SOCS6: variants seen among roughly 807,000 people sequenced by gnomAD.
SOCS6 encodes the protein suppressor of cytokine signaling 6, also known as STAT induced STAT inhibitor-4.
SOCS6 carries 5 observed loss-of-function variants against 27.7 expected under a neutral mutation model. That is an observed-to-expected ratio of 0.18 (90% CI 0.09 to 0.38). SOCS6 has a LOEUF of 0.38. Ranked by LOEUF, SOCS6 falls within the 10% of genes least tolerant of loss-of-function variation. SOCS6 has a pLI of 1.00. For synonymous variants in SOCS6, 271 were observed against 260.0 expected, an observed-to-expected ratio of 1.04 and a Z score of -0.41; for missense variants, 595 against 688.1, an observed-to-expected ratio of 0.86 and a Z score of 1.51.
chr18:70,313,336 T>C (rs1389906027), intron 1 of SOCS6, among the ~76,000 whole-genome samples: 1 of 152,182 alleles, frequency 6.6e-6, no homozygotes, highest in Non-Finnish European at 1.5e-5. Context: ...TTGCAGTTTT[T>C]CTCTATTTTT....
At chr18:70,320,626 TTTA>T (rs1393159161) in intron 1 of SOCS6, among the ~76,000 whole-genome samples, 1 of 152,172 alleles carries the variant, frequency 6.6e-6, no homozygotes, top group African/African-American at 2.4e-5. Flanking sequence ...ATTGTTTAAT[TTTA>T]TTATTAGTTA....
At position 70,325,677 on chromosome 18, in the gene SOCS6, G is replaced by A; in HGVS notation, c.1009G>A (p.Ala337Thr). Residue 337 changes from alanine (A) to threonine (T), a missense_variant, in exon 2 of 2, where the codon GCT becomes ACT. Ala to Thr is a moderately conservative substitution (Grantham distance 58). Transcript: ENST00000397942. The surrounding 1 kb of genome is among the most constrained non-coding windows in gnomAD (Gnocchi z 6.3). ...SGLTGTEAHV[A>T]ESMRCHLNFD... The stretch of plus-strand genomic sequence containing the variant: ...ACTCACTGGCACAGAAGCCCACGTG[G>A]CTGAAAGTATGCGCTGTCATTTGAA... 1 of 1,614,226 alleles carries A rather than the reference G, an allele frequency of 6.2e-7. No homozygotes were observed. Among genetic ancestry groups the A allele is most frequent in the South Asian group, 1.1e-5 (1 of 91,080 alleles).
In SOCS6 at chr18:70,322,590, T is replaced by C. The variant is rs535612497; in HGVS notation, c.-126-1953T>C. 4.6e-5 allele frequency among the ~76,000 whole-genome samples: 7 copies of C among 152,350 alleles called. No individual in the cohort carries two copies. The South Asian group carries it at 6.2e-4, about 14-fold the overall frequency. ...AATCAGTTACTGATTCTGGCAGTTA[T>C]AATAGTTCATTATGCTTGGGTAGAA... On this transcript the variant is annotated intron_variant, in intron 1 of 1. Coordinates refer to ENST00000397942, the MANE Select transcript of SOCS6 (RefSeq NM_004232.4).
chr18:70,294,486 CTATT>C lies in SOCS6; in HGVS notation c.-127+5399_-127+5402del, dbSNP rs537100119. ...TAATATATAATAATGGTAATAATTC[CTATT>C]TAAAGTAATTATTACTATTAATTTA... On this transcript the variant is annotated intron_variant, in intron 1 of 1. Transcript: ENST00000397942. 1.2e-3 allele frequency among the ~76,000 whole-genome samples: 184 copies of C among 151,986 alleles called. 1 individual carries two copies. The highest frequency in any genetic ancestry group is 4.3e-3 in the African/African-American group (177 of 41,460).
In SOCS6 at chr18:70,325,022, T is replaced by C; in HGVS notation, c.354T>C (p.Ala118=). The change falls in exon 2 of 2, where the codon GCT becomes GCC. Residue 118 remains alanine, a synonymous_variant. Transcript: ENST00000397942. The surrounding 1 kb of genome is among the most constrained non-coding windows in gnomAD (Gnocchi z 6.3). ...CCATAGTCTTTAAAGACGTGAGAGC[T>C]CAGAGGCCGATAAGGTCCACGTCGC... The part of the protein sequence containing the change: ...SAPIVFKDVR[A]QRPIRSTSLR... 5 of 1,614,068 alleles carry C rather than the reference T, an allele frequency of 3.1e-6. No individual in the cohort carries two copies. Among genetic ancestry groups the C allele is most frequent in the Non-Finnish European group, 4.2e-6 (5 of 1,180,004 alleles).
Position 70,326,579 on chromosome 18 carries a change from G to T in SOCS6, c.*303G>T. The T allele has an allele frequency of 3.2e-6, 1 of 310,734 alleles. No individual in the cohort carries two copies. Among genetic ancestry groups the T allele is most frequent in the Non-Finnish European group, 6.3e-6 (1 of 159,768 alleles). The allele number at this position is 310,734 out of a possible 1,614,324, so 19.2% of individuals were successfully genotyped here. ...CAATGCCCCCCCCGCCCAGTCCTTT[G>T]CTGCTATCCACTGTGATTTTTATGC... On this transcript the variant is annotated 3_prime_UTR_variant, in exon 2 of 2. Coordinates refer to ENST00000397942, the MANE Select transcript of SOCS6 (RefSeq NM_004232.4).
In SOCS6 at chr18:70,325,576, G is replaced by A; in HGVS notation, c.908G>A (p.Gly303Asp). Residue 303 changes from glycine to aspartate, a missense_variant, in exon 2 of 2, where the codon GGT (glycine) becomes GAT (aspartate). Transcript: ENST00000397942. The surrounding 1 kb of genome is among the most constrained non-coding windows in gnomAD (Gnocchi z 6.3). ...TGVMLQSPRA[G>D]HDDVPPLSPL... is the part of the protein sequence containing the mutation. ...GTCATGTTGCAGAGCCCGAGAGCGG[G>A]TCACGATGATGTCCCTCCACTCTCA... 6.2e-7 allele frequency: 1 copy of A among 1,614,160 alleles called. No individual in the cohort carries two copies. Among genetic ancestry groups the A allele is most frequent in the Middle Eastern group, 1.6e-4 (1 of 6,062 alleles).
intron 1 of SOCS6, among the ~76,000 whole-genome samples, chr18:70,321,160 A>G (rs181434919): frequency 6.6e-6 from 1 of 151,558 alleles, no homozygotes; most frequent in African/African-American, 2.4e-5. Context: ...TATAGTACCA[A>G]CTGCTCAGGA....
chr18:70,311,057 C>T (rs940632926), intron 1 of SOCS6, among the ~76,000 whole-genome samples: 1 of 152,110 alleles, frequency 6.6e-6, no homozygotes, highest in African/African-American at 2.4e-5. Flanking sequence ...GCAGAAGTAG[C>T]AGCCTTAATG....
chr18:70,311,568 C>T (rs1010802054), intron 1 of SOCS6, among the ~76,000 whole-genome samples: 1 of 151,854 alleles, frequency 6.6e-6, no homozygotes, highest in Admixed American at 6.6e-5. Context: ...AAAATCGGCT[C>T]GATGGTTACA....
At chr18:70,313,942 T>G (rs1249047354) in intron 1 of SOCS6, among the ~76,000 whole-genome samples, 3 of 152,232 alleles carry the variant, frequency 2.0e-5, no homozygotes, top group African/African-American at 7.2e-5. Flanking sequence ...GAACAAGATG[T>G]GTCTATGTAT....
At chr18:70,308,043 T>C (rs2062376393) in intron 1 of SOCS6, among the ~76,000 whole-genome samples, 1 of 152,234 alleles carries the variant, frequency 6.6e-6, no homozygotes, top group Admixed American at 6.5e-5. Context: ...AAATATTTAC[T>C]AACTTTTCCT....
At chr18:70,296,906 C>CTTTTTTTTTTTTT (rs375704179) in intron 1 of SOCS6, among the ~76,000 whole-genome samples, 4 of 129,176 alleles carry the variant, frequency 3.1e-5, no homozygotes, top group Non-Finnish European at 4.7e-5. Context: ...CATTTTCTTT[C>CTTTTTTTTTTTTT]TTTTTTTTTT....
At chr18:70,317,058 T>C (rs2062414369) in intron 1 of SOCS6, among the ~76,000 whole-genome samples, 2 of 152,246 alleles carry the variant, frequency 1.3e-5, no homozygotes, top group African/African-American at 2.4e-5. Context: ...TTTTATAATG[T>C]ATTTTTTATT....
At chr18:70,289,572 C>A (rs1255148821) in intron 1 of SOCS6, among the ~76,000 whole-genome samples, 1 of 147,144 alleles carries the variant, frequency 6.8e-6, no homozygotes, top group Non-Finnish European at 1.5e-5. Flanking sequence ...CCGGCCGGGT[C>A]CCTCCTCGGA....
In SOCS6 at chr18:70,324,597, A is replaced by C. The variant is rs903336762; in HGVS notation, c.-72A>C. On this transcript the variant is annotated 5_prime_UTR_variant, in exon 2 of 2. Coordinates refer to ENST00000397942, the MANE Select transcript of SOCS6 (RefSeq NM_004232.4). ...GAAAAATACATAGATGCAGCCTTGC[A>C]GCCTCTCCAGATGTTTGGGGATAAT... The C allele has an allele frequency of 9.8e-7, 1 of 1,024,806 alleles. No homozygotes were observed. The highest frequency in any genetic ancestry group is 1.6e-5 in the African/African-American group (1 of 62,188). 63.5% of individuals were successfully genotyped at this position (1,024,806 alleles called of 1,614,324 possible).
intron 1 of SOCS6, among the ~76,000 whole-genome samples, chr18:70,317,419 GGTGTGTGTGT>G (rs139320786): frequency 1.0e-4 from 15 of 148,084 alleles, no homozygotes; most frequent in South Asian, 2.1e-4. Context: ...AGTATTCCAT[GGTGTGTGTGT>G]GTGTGTGTGT....
At chr18:70,293,687 GA>G (rs1463506460) in intron 1 of SOCS6, among the ~76,000 whole-genome samples, 10 of 151,610 alleles carry the variant, frequency 6.6e-5, no homozygotes, top group Admixed American at 6.6e-4. Context: ...ATCTAGGTTT[GA>G]ATTTCAGCAC....
intron 1 of SOCS6, among the ~76,000 whole-genome samples, chr18:70,313,286 C>T (rs2062397901): frequency 6.6e-6 from 1 of 152,138 alleles, no homozygotes; most frequent in African/African-American, 2.4e-5. Context: ...TTTCTAACAG[C>T]ACAGTTTATG....
Sources: gnomAD v4.1 joint callset for allele counts (sites outside exome capture counted in the v4.1 genomes callset) on GRCh38, gnomAD v4.1.1 for gene constraint, Gnocchi (gnomAD v3.1) non-coding constraint, MANE v1.5 for transcripts, NCBI Gene and HGNC (gene_info 2026-07-23, HGNC 2026-07-21) for gene names.